Variants in ABR observed in about 807,000 individuals in gnomAD.
ABR encodes ABR activator of RhoGEF and GTPase, also known as active breakpoint cluster region-related protein.
A neutral mutation model predicts 107.2 loss-of-function variants in ABR; 35 were observed. The observed-to-expected ratio is 0.33, with a 90% CI of 0.25 to 0.43. The LOEUF is 0.43. Ranked by LOEUF, ABR falls within the 20% of genes least tolerant of loss-of-function variation. The pLI is 1.00. For missense variants in ABR, 815 were observed against 1,115.2 expected (o/e 0.73, Z 3.83); for synonymous variants, 498 against 462.0 (o/e 1.08, Z -1.00).
At chr17:1,018,180 C>T (rs369576699) in intron 16 of ABR, among the ~76,000 whole-genome samples, 5 of 152,030 alleles carry the variant, frequency 3.3e-5, no homozygotes, top group South Asian at 2.1e-4. Context: ...GTAGCTGGGA[C>T]TACAGGCGCC....
intron 1 of ABR, among the ~76,000 whole-genome samples, chr17:1,137,581 T>C (rs1230485209): frequency 6.6e-6 from 1 of 152,052 alleles, no homozygotes; most frequent in African/African-American, 2.4e-5. Flanking sequence ...AATGCTAACA[T>C]GGAGGATCGC....
intron 1 of ABR, among the ~76,000 whole-genome samples, chr17:1,147,388 T>A (rs2040600253): frequency 6.8e-6 from 1 of 147,034 alleles, no homozygotes. Context: ...TGACACAGAG[T>A]CTCACTCTGT....
intron 1 of ABR, among the ~76,000 whole-genome samples, chr17:1,223,304 AAC>A (rs56226163): frequency 0.1 from 15,462 of 149,026 alleles, 2,147 homozygotes; most frequent in African/African-American, 0.32. Context: ...AATCAGTAAC[AAC>A]ACACACACAC....
At chr17:1,111,590 C>A (rs2038679846) in intron 2 of ABR, among the ~76,000 whole-genome samples, 1 of 152,366 alleles carries the variant, frequency 6.6e-6, no homozygotes, top group Non-Finnish European at 1.5e-5. Flanking sequence ...CCAGAGGCCT[C>A]CCTCTCCGAC....
At chr17:1,080,475 C>G (rs775210110) in intron 5 of ABR, among the ~76,000 whole-genome samples, 1 of 152,094 alleles carries the variant, frequency 6.6e-6, no homozygotes, top group Non-Finnish European at 1.5e-5. Context: ...ACTTGGCAGA[C>G]GGAGCACACG....
intron 1 of ABR, among the ~76,000 whole-genome samples, chr17:1,220,462 A>G (rs916812105): frequency 6.6e-6 from 1 of 152,180 alleles, no homozygotes; most frequent in Non-Finnish European, 1.5e-5. Context: ...CTCTGCAGCT[A>G]CGCGGTGCAG....
Position 1,067,784 on chromosome 17 carries a change from A to T in ABR, c.1017-542T>A, listed in dbSNP as rs1016494539. Among the ~76,000 whole-genome samples the T allele has an allele frequency of 2.0e-5, 3 of 152,224 alleles. No homozygotes were observed. The East Asian group carries it at 5.8e-4, about 29-fold the overall frequency. ...GATGTCTGCCATGGCAAAGGACAGC[A>T]GGCAGAGGCATATGTGATTAGTAAT... On this transcript the variant is annotated intron_variant, in intron 9 of 22. Coordinates refer to ENST00000302538, the MANE Select transcript of ABR (RefSeq NM_021962.5).
rs1266362668 is a variant in ABR, at chr17:1,179,703, G to A, written c.25C>T (p.Leu9=). MEPLSHRG[L]PRLSWIDTLY... is the part of the protein sequence containing the mutation. ...GTGTCGATCCAGGACAGGCGCGGCA[G>A]GCCCCGGTGGCTGAGCGGCTCCATC... Residue 9 remains leucine, a synonymous_variant, in exon 1 of 23, where the codon CTG becomes TTG. Transcript: ENST00000302538. The surrounding 1 kb of genome is among the most constrained non-coding windows in gnomAD (Gnocchi z 4.9). The A allele has an allele frequency of 1.1e-5, 17 of 1,559,164 alleles. No individual in the cohort carries two copies. Among genetic ancestry groups the A allele is most frequent in the African/African-American group, 2.8e-5 (2 of 70,988 alleles).
intron 16 of ABR, among the ~76,000 whole-genome samples, chr17:1,042,825 G>A (rs984676597): frequency 7.9e-5 from 12 of 152,138 alleles, no homozygotes; most frequent in Non-Finnish European, 1.8e-4. Flanking sequence ...CTACATCCAC[G>A]GACGGACGGG....
chr17:1,169,387 C>T (rs934181757), intron 1 of ABR, among the ~76,000 whole-genome samples: 4 of 152,240 alleles, frequency 2.6e-5, no homozygotes, highest in Non-Finnish European at 5.9e-5. Flanking sequence ...TCTACTCTTG[C>T]ACCCGTGAGG....
rs931757242 is a variant in ABR, at chr17:1,091,537, C to T, written c.531+128G>A. 1.4e-4 allele frequency: 155 copies of T among 1,093,938 alleles called. No homozygotes were observed. The East Asian group carries it at 2.6e-3, about 19-fold the overall frequency. The allele number at this position is 1,093,938 out of a possible 1,614,324, so 67.8% of individuals were successfully genotyped here. On this transcript the variant is annotated intron_variant, in intron 4 of 22. Transcript: ENST00000302538. ...AACACACAGGCCCAGGCCTTCCTCC[C>T]GGACTCGGAGAGGTCTCAGGCCTTC... is the stretch of plus-strand genomic sequence containing the variant.
intron 2 of ABR, among the ~76,000 whole-genome samples, chr17:1,121,280 C>T (rs971209642): frequency 5.3e-5 from 8 of 152,368 alleles, no homozygotes; most frequent in Admixed American, 3.9e-4. Flanking sequence ...CGGCTTCACC[C>T]GGGGCCACCC....
intron 16 of ABR, among the ~76,000 whole-genome samples, chr17:1,030,491 G>A (rs905944181): frequency 6.6e-6 from 1 of 152,234 alleles, no homozygotes; most frequent in Non-Finnish European, 1.5e-5. Context: ...GCAGGGCTCT[G>A]CTAGCCCAGT....
At chr17:1,203,297 T>A (rs1039739656) in intron 1 of ABR, among the ~76,000 whole-genome samples, 1 of 98,014 alleles carries the variant, frequency 1.0e-5, no homozygotes, top group Non-Finnish European at 2.1e-5. Context: ...TCAGGGGGCG[T>A]GGCCCGGCTC....
At chr17:1,016,535 C>T (rs947112851) in intron 16 of ABR, among the ~76,000 whole-genome samples, 5 of 151,964 alleles carry the variant, frequency 3.3e-5, no homozygotes, top group African/African-American at 1.2e-4. Context: ...AGGCTGGTCT[C>T]GAGCTCCTGA....
At chr17:1,197,343 C>T (rs1394616939) in intron 1 of ABR, among the ~76,000 whole-genome samples, 3 of 151,448 alleles carry the variant, frequency 2.0e-5, no homozygotes, top group Admixed American at 2.0e-4. Context: ...TCTGTCTCTG[C>T]GGGTTTGAAA....
Position 1,048,930 on chromosome 17 carries a change from T to G in ABR, c.1791+1120A>C, listed in dbSNP as rs987532501. Reference sequence around the variant, plus strand: ...CTCCCTTCATTTCATGGTCACAGAATCTACCCCCAAACCAGACCACTTGCG... The same window carrying G: ...CTCCCTTCATTTCATGGTCACAGAAGCTACCCCCAAACCAGACCACTTGCG... On this transcript the variant is annotated intron_variant, in intron 16 of 22. Transcript: ENST00000302538. Among the ~76,000 whole-genome samples the G allele has an allele frequency of 3.3e-5, 5 of 152,200 alleles. No individual in the cohort carries two copies. In the South Asian group the frequency reaches 1.0e-3, roughly 31 times the overall value.
At chr17:1,130,605 C>T (rs1454002929) in intron 1 of ABR, among the ~76,000 whole-genome samples, 1 of 152,124 alleles carries the variant, frequency 6.6e-6, no homozygotes, top group African/African-American at 2.4e-5. Flanking sequence ...AGTAGTGGCC[C>T]CCCCACAAGG....
intron 1 of ABR, among the ~76,000 whole-genome samples, chr17:1,207,855 C>T (rs1003534913): frequency 3.3e-5 from 5 of 151,512 alleles, no homozygotes; most frequent in African/African-American, 4.8e-5. Flanking sequence ...CTGCAACCTC[C>T]GCCTCCCGGG....
Sources: allele counts gnomAD v4.1 joint callset (sites outside exome capture counted in the v4.1 genomes callset), GRCh38; gene constraint gnomAD v4.1.1; non-coding constraint Gnocchi (gnomAD v3.1); transcripts MANE v1.5; gene names NCBI Gene and HGNC (gene_info 2026-07-23, HGNC 2026-07-21).